LHX6: variants seen among roughly 807,000 people sequenced by gnomAD.
LHX6 encodes the protein LIM/homeobox protein Lhx6.
In LHX6, 15 loss-of-function variants were observed where a neutral mutation model predicts 47.1. That is an observed-to-expected ratio of 0.32 (90% CI 0.21 to 0.49). LHX6 has a LOEUF of 0.49. LHX6 is among the 20% of genes least tolerant of loss of function. LHX6 has a pLI of 0.99. For missense variants in LHX6, 404 were observed against 539.6 expected (o/e 0.75, Z 2.49); for synonymous variants, 242 against 233.5 (o/e 1.04, Z -0.33).
rs555557108 is a variant in LHX6 at position 122,226,836 on chromosome 9, C to T, written c.339+12G>A. On this transcript the variant is annotated intron_variant, in intron 3 of 9. Transcript: ENST00000394319. This position sits in a 1 kb window ranked among gnomAD's most constrained non-coding sequence, Gnocchi z 6.5. ...CCCGACAACACGCACGCAACACCTA[C>T]CCCTGTCTCACCTTGAGCAGATATC... The T allele has an allele frequency of 1.6e-5, 25 of 1,559,194 alleles. No individual in the cohort carries two copies. In the South Asian group the frequency reaches 2.8e-4, roughly 18 times the overall value.
chr9:122,219,047 A>G (rs1830712698), intron 4 of LHX6, among the ~76,000 whole-genome samples: 1 of 151,786 alleles, frequency 6.6e-6, no homozygotes, highest in Admixed American at 6.6e-5. Flanking sequence ...CAGGGCGGGC[A>G]CCCCTCCACC....
intron 4 of LHX6, among the ~76,000 whole-genome samples, chr9:122,222,900 G>A (rs1830929659): frequency 1.3e-5 from 2 of 152,268 alleles, no homozygotes; most frequent in South Asian, 4.2e-4. Flanking sequence ...GCCTCTCTTT[G>A]GGCAGAGTGC....
rs1830484425 is a variant in LHX6, at chr9:122,213,861, C to T, written c.880-81G>A. ...CGGGAGACCCCAGGCGGGACTGCCT[C>T]GTCGCCTCCTGGAGAAGGATGGCCA... On this transcript the variant is annotated intron_variant, in intron 7 of 9. Coordinates refer to ENST00000394319, the MANE Select transcript of LHX6 (RefSeq NM_014368.5). The surrounding 1 kb of genome is among the most constrained non-coding windows in gnomAD (Gnocchi z 5.5). 8 of 1,524,316 alleles carry T rather than the reference C, an allele frequency of 5.2e-6. No individual in the cohort carries two copies. The highest frequency in any genetic ancestry group is 3.6e-5 in the South Asian group (3 of 84,394). 94.4% of individuals were successfully genotyped at this position (1,524,316 alleles called of 1,614,324 possible). A position where few individuals can be genotyped will look rare whatever the true frequency, so the allele number is the denominator to read the frequency against.
At chr9:122,216,284 G>T (rs897473763) in intron 5 of LHX6, among the ~76,000 whole-genome samples, 11 of 152,184 alleles carry the variant, frequency 7.2e-5, no homozygotes, top group African/African-American at 2.2e-4. Context: ...CCCTGCCTCT[G>T]CCCACAGCCA....
At chr9:122,215,323 TTTC>T (rs1417441284) in intron 5 of LHX6, among the ~76,000 whole-genome samples, 2 of 152,224 alleles carry the variant, frequency 1.3e-5, no homozygotes, top group African/African-American at 2.4e-5. Flanking sequence ...CAATCGTTAT[TTTC>T]TTCTTTTTGC....
rs1830516688 is a variant in LHX6 at position 122,214,332 on chromosome 9, G to A, written c.734C>T (p.Pro245Leu). 6.2e-7 allele frequency: 1 copy of A among 1,600,896 alleles called. No homozygotes were observed. The highest frequency in any genetic ancestry group is 1.4e-5 in the African/African-American group (1 of 72,688). The change falls in exon 6 of 10, where the codon CCC becomes CTC. Residue 245 changes from proline to leucine, a missense_variant. By Grantham distance (98) the Pro-to-Leu change is moderately conservative (BLOSUM62 -3). Coordinates refer to ENST00000394319, the MANE Select transcript of LHX6 (RefSeq NM_014368.5). This position sits in a 1 kb window ranked among gnomAD's most constrained non-coding sequence, Gnocchi z 4.6. ...GAVPSEQDSQ[P>L]KPAKRARTSF... ...CGTCCGCGCGCGCTTGGCCGGCTTG[G>A]GTTGACTGTCCTGTTCCGAGGGCAC...
Position 122,226,488 on chromosome 9 carries a change from G to C in LHX6, c.349C>G (p.Leu117Val). 1 of 1,613,188 alleles carries C rather than the reference G, an allele frequency of 6.2e-7. No individual in the cohort carries two copies. The highest frequency in any genetic ancestry group is 8.5e-7 in the Non-Finnish European group (1 of 1,179,804). The stretch of plus-strand genomic sequence containing the variant: ...TCGAGGCACCGCACGTGCCAGATGA[G>C]GTTGTTGACCTGGGGACGGGGCGGG... ...LDRYLLKVNN[L>V]IWHVRCLECS... Residue 117 changes from leucine to valine, a missense_variant, in exon 4 of 10, where the codon CTC becomes GTC. By Grantham distance (32) the Leu-to-Val change is conservative. Around this residue, in one of 7 missense-constraint regions of LHX6, gnomAD observed 53 missense variants for 97.4 expected, o/e 0.54. Coordinates refer to ENST00000394319, the MANE Select transcript of LHX6 (RefSeq NM_014368.5). This position sits in a 1 kb window ranked among gnomAD's most constrained non-coding sequence, Gnocchi z 6.5.
chr9:122,228,338 C>A lies in LHX6; in HGVS notation c.84+319G>T, dbSNP rs909859923. 25 of 1,533,482 alleles carry A rather than the reference C, an allele frequency of 1.6e-5. No homozygotes were observed. In the African/African-American group the frequency reaches 2.9e-4, roughly 18 times the overall value. 95.0% of individuals were successfully genotyped at this position (1,533,482 alleles called of 1,614,324 possible). On this transcript the variant is annotated intron_variant, in intron 1 of 9. Coordinates refer to ENST00000394319, the MANE Select transcript of LHX6 (RefSeq NM_014368.5). ...CGCGTCGGGATTCTCAGCGCTGCGCCGGCACAACCCCCGGCGCATCGGCGC... is the reference window on the plus strand; with the variant it reads ...CGCGTCGGGATTCTCAGCGCTGCGCAGGCACAACCCCCGGCGCATCGGCGC...
intron 4 of LHX6, among the ~76,000 whole-genome samples, chr9:122,222,374 G>C (rs1044368700): frequency 1.3e-5 from 2 of 152,200 alleles, no homozygotes; most frequent in South Asian, 2.1e-4. Context: ...TCACCAAAAG[G>C]TGAAGAAATT....
At chr9:122,218,284 G>A (rs530616524) in intron 4 of LHX6, among the ~76,000 whole-genome samples, 48 of 152,202 alleles carry the variant, frequency 3.2e-4, no homozygotes, top group Non-Finnish European at 1.8e-4. Context: ...CTGTGACTCT[G>A]TCCCAACCCT....
At chr9:122,227,220 C>G in intron 2 of LHX6, 189 bp downstream of exon 2, 5 of 769,810 alleles carry the variant, frequency 6.5e-6, no homozygotes, top group Non-Finnish European at 9.8e-6. Context: ...TTTTAACACG[C>G]GCATTCTGGG....
chr9:122,220,703 C>A (rs1056528340), intron 4 of LHX6, among the ~76,000 whole-genome samples: 4 of 152,200 alleles, frequency 2.6e-5, no homozygotes, highest in African/African-American at 9.6e-5. Context: ...GCAAAGGATG[C>A]GCGGCGCTTT....
In LHX6 at chr9:122,204,481, CT is replaced by C; in HGVS notation, c.*278del. On this transcript the variant is annotated 3_prime_UTR_variant, in exon 10 of 10. Transcript: ENST00000394319. ...AATCAGCTGAAGTTGAAGAGGACTCCTGTTTAAATGGGAAAAACAGGCTGTT... is the reference window on the plus strand; with the variant it reads ...AATCAGCTGAAGTTGAAGAGGACTCCGTTTAAATGGGAAAAACAGGCTGTT... 1 of 410,236 alleles carries C rather than the reference CT, an allele frequency of 2.4e-6. No homozygotes were observed. The highest frequency in any genetic ancestry group is 9.9e-5 in the South Asian group (1 of 10,102). 25.4% of individuals were successfully genotyped at this position (410,236 alleles called of 1,614,324 possible). A position where few individuals can be genotyped will look rare whatever the true frequency, so the allele number is the denominator to read the frequency against.
chr9:122,223,986 C>T (rs536894173), intron 4 of LHX6, among the ~76,000 whole-genome samples: 1 of 152,170 alleles, frequency 6.6e-6, no homozygotes, highest in Non-Finnish European at 1.5e-5. Context: ...GCTGATGAAT[C>T]CAAGGAGCCC....
At chr9:122,225,837 G>A (rs1290025024) in intron 4 of LHX6, among the ~76,000 whole-genome samples, 1 of 152,214 alleles carries the variant, frequency 6.6e-6, no homozygotes. Context: ...CGGTTGCGGC[G>A]CTGGTGCTTT....
At chr9:122,215,484 C>A (rs1830561803) in intron 5 of LHX6, among the ~76,000 whole-genome samples, 1 of 152,156 alleles carries the variant, frequency 6.6e-6, no homozygotes, top group South Asian at 2.1e-4. Flanking sequence ...CATGTTAAGT[C>A]TGTGGACAGG....
At chr9:122,210,988 C>A (rs1830378068) in intron 8 of LHX6, among the ~76,000 whole-genome samples, 1 of 152,200 alleles carries the variant, frequency 6.6e-6, no homozygotes, top group Non-Finnish European at 1.5e-5. Flanking sequence ...GGATTTCCAG[C>A]ACCTAGAGTG....
rs947813775 is a variant in LHX6, at chr9:122,226,791, T to C, written c.339+57A>G. On this transcript the variant is annotated intron_variant, in intron 3 of 9. Coordinates refer to ENST00000394319, the MANE Select transcript of LHX6 (RefSeq NM_014368.5). This position sits in a 1 kb window ranked among gnomAD's most constrained non-coding sequence, Gnocchi z 6.5. ...GGACCTGCGGTGCTTCCCTGCAGTC[T>C]CCTGCGCTGCGTCCCACGCCCCGAC... is the stretch of plus-strand genomic sequence containing the variant. 19 of 1,520,446 alleles carry C rather than the reference T, an allele frequency of 1.2e-5. No homozygotes were observed. In the South Asian group the frequency reaches 2.0e-4, roughly 16 times the overall value. 94.2% of individuals were successfully genotyped at this position (1,520,446 alleles called of 1,614,324 possible).
rs1014406810 is a variant in LHX6 at position 122,221,675 on chromosome 9, C to G, written c.462-4387G>C. 5 of 985,396 alleles carry G rather than the reference C, an allele frequency of 5.1e-6. No individual in the cohort carries two copies. The African/African-American group carries it at 8.7e-5, about 17-fold the overall frequency. 61.0% of individuals were successfully genotyped at this position (985,396 alleles called of 1,614,324 possible). On this transcript the variant is annotated intron_variant, in intron 4 of 9. Coordinates refer to ENST00000394319, the MANE Select transcript of LHX6 (RefSeq NM_014368.5). ...GTGACCTGATATTGACAAAGGTGCT[C>G]CATTCACAGGCCTCTGAGGTCACTC...
Sources: gnomAD v4.1 joint callset for allele counts (sites outside exome capture counted in the v4.1 genomes callset) on GRCh38, gnomAD v4.1.1 for gene constraint, gnomAD v4.1.1 regional missense constraint, Gnocchi (gnomAD v3.1) non-coding constraint, MANE v1.5 for transcripts, NCBI Gene and HGNC (gene_info 2026-07-23, HGNC 2026-07-21) for gene names.